Variants in GPRC5B observed in about 807,000 individuals in gnomAD.
GPRC5B encodes G protein-coupled receptor family C group 5 member B.
Under a neutral mutation model 30.1 loss-of-function variants are expected in GPRC5B, and 16 were observed. The ratio of observed to expected loss-of-function variants is 0.53; its 90% CI spans 0.36 to 0.81. GPRC5B has a LOEUF of 0.81. GPRC5B is among the 30% of genes least tolerant of loss of function. The pLI is 0.01. For missense variants in GPRC5B, 428 were observed against 544.7 expected (o/e 0.79, Z 2.13); for synonymous variants, 241 against 239.5 (o/e 1.01, Z -0.06).
upstream of GPRC5B, chr16:19,884,978 C>T (rs1420819599): frequency 4.1e-6 from 3 of 727,212 alleles, no homozygotes; most frequent in Admixed American, 1.9e-4. Context: ...ACCCCCGGTC[C>T]CGCCGGCGGT....
At chr16:19,885,065 G>T (rs997029545), upstream of GPRC5B, 3 of 717,166 alleles carry the variant, frequency 4.2e-6, no homozygotes, top group Non-Finnish European at 6.2e-6. The surrounding 1 kb of genome is among the most constrained non-coding windows in gnomAD (Gnocchi z 5.3). Context: ...TCTCAGAGAC[G>T]ATTCCCCCGA....
At chr16:19,865,953 G>A (rs372482383) in intron 2 of GPRC5B, among the ~76,000 whole-genome samples, 1 of 151,900 alleles carries the variant, frequency 6.6e-6, no homozygotes, top group Non-Finnish European at 1.5e-5. Context: ...TTTTTGAGAC[G>A]GAGTCCCACT....
chr16:19,867,245 G>A (rs1314522406), intron 2 of GPRC5B, among the ~76,000 whole-genome samples: 4 of 152,196 alleles, frequency 2.6e-5, no homozygotes, highest in African/African-American at 7.2e-5. Flanking sequence ...TCAGGCATGC[G>A]GGCTCTGGAG....
chr16:19,869,098 G>A (rs745470578), intron 2 of GPRC5B, among the ~76,000 whole-genome samples: 1 of 152,144 alleles, frequency 6.6e-6, no homozygotes, highest in Non-Finnish European at 1.5e-5. Context: ...GGAGGCCAAG[G>A]CAGGCGGATC....
chr16:19,861,904 G>T lies in GPRC5B; in HGVS notation c.1100C>A (p.Pro367His), dbSNP rs761693107. 5.0e-6 allele frequency: 8 copies of T among 1,613,310 alleles called. No homozygotes were observed. The South Asian group carries it at 8.8e-5, about 18-fold the overall frequency. ...KRPSGSLGKRPSAPFRSNVYQ... is the reference protein window; with the variant it reads ...KRPSGSLGKRHSAPFRSNVYQ... ...CACGTTGCTTCTAAACGGAGCGCTG[G>T]GTCTTTTCCCCAAGCTGCCACTGGG... The change falls in exon 3 of 4, where the codon CCC (proline) becomes CAC (histidine). Residue 367 changes from proline to histidine, a missense_variant. Physicochemically the swap from Pro to His is moderately conservative, Grantham distance 77. Around this residue, in one of 3 missense-constraint regions of GPRC5B, gnomAD observed 213 missense variants for 229.1 expected, o/e 0.93. Transcript: ENST00000300571.
intron 2 of GPRC5B, among the ~76,000 whole-genome samples, chr16:19,864,053 C>T (rs775740543): frequency 7.2e-5 from 11 of 152,158 alleles, no homozygotes; most frequent in Non-Finnish European, 1.0e-4. Context: ...TCAAGAAGCC[C>T]AACTAACACC....
At chr16:19,863,808 G>A (rs968842547) in intron 2 of GPRC5B, among the ~76,000 whole-genome samples, 2 of 151,920 alleles carry the variant, frequency 1.3e-5, no homozygotes, top group Admixed American at 1.3e-4. Flanking sequence ...GCTGGCATTC[G>A]ATTCTTATAG....
At position 19,858,477 on chromosome 16, in the gene GPRC5B, T is replaced by A; in HGVS notation, c.*2023A>T. The stretch of plus-strand genomic sequence containing the variant: ...GAACTTAGAAAACGAACGTGTGAAT[T>A]GCTCCATCGTGTGAATGGTATCAGA... On this transcript the variant is annotated 3_prime_UTR_variant, in exon 4 of 4. Transcript: ENST00000300571. 1.5e-6 allele frequency: 1 copy of A among 686,320 alleles called. No homozygotes were observed. Among genetic ancestry groups the A allele is most frequent in the Non-Finnish European group, 2.6e-6 (1 of 377,384 alleles). 42.5% of individuals were successfully genotyped at this position (686,320 alleles called of 1,614,324 possible). A position where few individuals can be genotyped will look rare whatever the true frequency, so the allele number is the denominator to read the frequency against.
Position 19,872,275 on chromosome 16 carries a change from G to A in GPRC5B, c.571C>T (p.Pro191Ser). ...LVLTVLRDTRPACAYEPMDFV... is the reference protein window; with the variant it reads ...LVLTVLRDTRSACAYEPMDFV... ...TCCATGGGCTCGTAGGCGCAGGCTG[G>A]CCTTGTGTCACGCAGCACGGTGAGC... is the stretch of plus-strand genomic sequence containing the variant. Residue 191 changes from proline (P) to serine (S), a missense_variant, in exon 2 of 4, where the codon CCA becomes TCA. Physicochemically the swap from Pro to Ser is moderately conservative, Grantham distance 74 (BLOSUM62 -1). Around this residue, in one of 3 missense-constraint regions of GPRC5B, gnomAD observed 196 missense variants for 272.6 expected, o/e 0.72. Coordinates refer to ENST00000300571, the MANE Select transcript of GPRC5B (RefSeq NM_016235.3). The surrounding 1 kb of genome is among the most constrained non-coding windows in gnomAD (Gnocchi z 5.0). 2.5e-6 allele frequency: 4 copies of A among 1,613,996 alleles called. No homozygotes were observed. Among genetic ancestry groups the A allele is most frequent in the Non-Finnish European group, 3.4e-6 (4 of 1,180,006 alleles).
Position 19,856,795 on chromosome 16 carries a change from C to T in GPRC5B, c.*3705G>A. ...TATTCATTCATCCAGATTACTTCTT[C>T]AGTGCCTCAGGAGTATTCTTCTACA... is the stretch of plus-strand genomic sequence containing the variant. On this transcript the variant is annotated 3_prime_UTR_variant, in exon 4 of 4. Transcript: ENST00000300571. 2.1e-6 allele frequency: 1 copy of T among 482,800 alleles called. No individual in the cohort carries two copies. Among genetic ancestry groups the T allele is most frequent in the Non-Finnish European group, 3.7e-6 (1 of 270,982 alleles). The allele number at this position is 482,800 out of a possible 1,614,324, so 29.9% of individuals were successfully genotyped here.
chr16:19,861,087 T>TAAAAAAAAAAAAAAAAAAAAAAAAAAA lies in GPRC5B; in HGVS notation c.1168-544_1168-543insTTTTTTTTTTTTTTTTTTTTTTTTTTT, dbSNP rs3067833. ...GATCAAAGACCATCCCTGATTTACA[T>TAAAAAAAAAAAAAAAAAAAAAAAAAAA]AAAAAAAAAAAAAAAAAGAAGAATG... On this transcript the variant is annotated intron_variant, in intron 3 of 3. Coordinates refer to ENST00000300571, the MANE Select transcript of GPRC5B (RefSeq NM_016235.3). Among the ~76,000 whole-genome samples, 24 of 93,380 alleles carry TAAAAAAAAAAAAAAAAAAAAAAAAAAA rather than the reference T, an allele frequency of 2.6e-4. 2 individuals carry two copies. Among genetic ancestry groups the TAAAAAAAAAAAAAAAAAAAAAAAAAAA allele is most frequent in the African/African-American group, 1.1e-3 (22 of 20,490 alleles). 61.3% of individuals were successfully genotyped at this position (93,380 alleles called of 152,430 possible).
chr16:19,869,620 C>T (rs997054135), intron 2 of GPRC5B, among the ~76,000 whole-genome samples: 46 of 152,172 alleles, frequency 3.0e-4, no homozygotes, highest in Admixed American at 8.5e-4. Flanking sequence ...ATGCCACATC[C>T]CCTAGATAGG....
intron 3 of GPRC5B, 120 bp from the exon 4 acceptor site, chr16:19,860,664 G>A (rs1219159230): frequency 4.8e-6 from 3 of 631,480 alleles, no homozygotes; most frequent in African/African-American, 1.9e-5. Context: ...TAGATGGGTC[G>A]AATAATTCCC....
At chr16:19,875,190 C>T (rs1281698990) in intron 1 of GPRC5B, among the ~76,000 whole-genome samples, 1 of 152,220 alleles carries the variant, frequency 6.6e-6, no homozygotes, top group Non-Finnish European at 1.5e-5. Context: ...CTGTCGGGCT[C>T]ATGTCCTTTG....
chr16:19,870,971 G>A lies in GPRC5B; in HGVS notation c.1030+845C>T, dbSNP rs1272834630. On this transcript the variant is annotated intron_variant, in intron 2 of 3. Coordinates refer to ENST00000300571, the MANE Select transcript of GPRC5B (RefSeq NM_016235.3). ...TTTAAAATAAATTGGCTGGCAATTGGTAGGGAAAAAAAAAAAGCTTAATAA... is the reference window on the plus strand; with the variant it reads ...TTTAAAATAAATTGGCTGGCAATTGATAGGGAAAAAAAAAAAGCTTAATAA... 2.3e-5 allele frequency among the ~76,000 whole-genome samples: 3 copies of A among 128,142 alleles called. No homozygotes were observed. The East Asian group carries it at 6.5e-4, about 28-fold the overall frequency. 84.1% of individuals were successfully genotyped at this position (128,142 alleles called of 152,430 possible). A position where few individuals can be genotyped will look rare whatever the true frequency, so the allele number is the denominator to read the frequency against.
intron 1 of GPRC5B, among the ~76,000 whole-genome samples, chr16:19,884,346 C>T (rs918677045): frequency 4.6e-5 from 7 of 151,364 alleles, no homozygotes; most frequent in African/African-American, 1.7e-4. Flanking sequence ...AGGACCAGCC[C>T]GCAGCTCCTC....
Position 19,860,373 on chromosome 16 carries a change from A to G in GPRC5B, c.*127T>C. 1 of 646,736 alleles carries G rather than the reference A, an allele frequency of 1.5e-6. No individual in the cohort carries two copies. The highest frequency in any genetic ancestry group is 1.9e-5 in the South Asian group (1 of 53,476). The allele number at this position is 646,736 out of a possible 1,614,324, so 40.1% of individuals were successfully genotyped here. On this transcript the variant is annotated 3_prime_UTR_variant, in exon 4 of 4. Transcript: ENST00000300571. ...TTTACACGAAATCCCCTTGGCTAGGATTTCCAAATTTCCTGGCTGTGAGGC... is the reference window on the plus strand; with the variant it reads ...TTTACACGAAATCCCCTTGGCTAGGGTTTCCAAATTTCCTGGCTGTGAGGC...
At chr16:19,882,269 T>G (rs1430032173) in intron 1 of GPRC5B, 1 of 152,230 alleles carries the variant, frequency 6.6e-6, no homozygotes, top group East Asian at 1.9e-4. Flanking sequence ...ACACAAGCTC[T>G]GTGATCCATG....
At chr16:19,868,547 G>A (rs1690394) in intron 2 of GPRC5B, among the ~76,000 whole-genome samples, 53,113 of 151,562 alleles carry the variant, frequency 0.35, 9,447 homozygotes, top group African/African-American at 0.41. Flanking sequence ...ATTCCCTGAA[G>A]GGCCCGTCCT....
Sources: allele counts gnomAD v4.1 joint callset (sites outside exome capture counted in the v4.1 genomes callset), GRCh38; gene constraint gnomAD v4.1.1; regional missense constraint gnomAD v4.1.1; non-coding constraint Gnocchi (gnomAD v3.1); transcripts MANE v1.5; gene names NCBI Gene and HGNC (gene_info 2026-07-23, HGNC 2026-07-21).